GRM7: variants seen among roughly 807,000 people sequenced by gnomAD.
The protein encoded by GRM7 is metabotropic glutamate receptor 7.
Under a neutral mutation model 84.5 loss-of-function variants are expected in GRM7, and 35 were observed. The observed-to-expected ratio is 0.41, with a 90% CI of 0.32 to 0.55. The LOEUF (loss-of-function observed/expected upper bound fraction) is 0.55, where lower values mean the gene tolerates loss of function less well. Ranked by LOEUF, GRM7 falls within the 20% of genes least tolerant of loss-of-function variation. The pLI is 0.19. For missense variants in GRM7, 1,003 were observed against 1,194.6 expected, an observed-to-expected ratio of 0.84 and a Z score of 2.36; for synonymous variants, 487 against 455.1, an observed-to-expected ratio of 1.07 and a Z score of -0.89.
At chr3:6,886,802 C>A (rs1695713165) in intron 1 of GRM7, among the ~76,000 whole-genome samples, 1 of 147,226 alleles carries the variant, frequency 6.8e-6, no homozygotes, top group South Asian at 2.1e-4. Context: ...TAATAATAAA[C>A]AGTTTAATAA....
intron 1 of GRM7, among the ~76,000 whole-genome samples, chr3:7,098,635 T>A (rs1039240926): frequency 6.6e-6 from 1 of 152,016 alleles, no homozygotes; most frequent in Non-Finnish European, 1.5e-5. Context: ...TAATATTTTA[T>A]TTTACTCTTC....
chr3:7,154,257 C>T (rs1253473726), intron 2 of GRM7, among the ~76,000 whole-genome samples: 6 of 152,256 alleles, frequency 3.9e-5, no homozygotes, highest in Admixed American at 6.5e-5. Context: ...GTTGGAAAGT[C>T]ATCACATATT....
chr3:7,528,541 A>AT (rs886898212), intron 7 of GRM7, among the ~76,000 whole-genome samples: 15 of 151,104 alleles, frequency 9.9e-5, no homozygotes, highest in African/African-American at 3.2e-4. Context: ...GCTTTTAGTT[A>AT]TTTTTTTTCT....
rs186299551 is a variant in GRM7 at position 7,528,355 on chromosome 3, G to T, written c.1516-50067G>T. ...TCTGAGAATCTTTTGTATTTCTGTG[G>T]AATTGGTTGTAATGTCACTTTCACT... On this transcript the variant is annotated intron_variant, in intron 7 of 9. Coordinates refer to ENST00000357716, the MANE Select transcript of GRM7 (RefSeq NM_000844.4). Among the ~76,000 whole-genome samples the T allele has an allele frequency of 5.1e-4, 78 of 152,080 alleles. 1 individual carries two copies. Among genetic ancestry groups the T allele is most frequent in the Admixed American group, 4.3e-3 (65 of 15,254 alleles).
intron 7 of GRM7, among the ~76,000 whole-genome samples, chr3:7,480,268 C>T (rs1041840004): frequency 6.6e-6 from 1 of 152,160 alleles, no homozygotes; most frequent in Non-Finnish European, 1.5e-5. Context: ...TTCTCTCCTG[C>T]AATGTATTTT....
intron 7 of GRM7, among the ~76,000 whole-genome samples, chr3:7,533,102 AC>A (rs1701108121): frequency 6.6e-6 from 1 of 152,128 alleles, no homozygotes; most frequent in African/African-American, 2.4e-5. Context: ...CAGAAAATTA[AC>A]AAGGATATTC....
At chr3:7,599,044 G>T (rs2125068861) in intron 8 of GRM7, among the ~76,000 whole-genome samples, 1 of 152,248 alleles carries the variant, frequency 6.6e-6, no homozygotes, top group Middle Eastern at 3.4e-3. Flanking sequence ...AGAGACTGTA[G>T]AAATGATGTA....
At chr3:7,617,896 T>A (rs1320380966) in intron 8 of GRM7, among the ~76,000 whole-genome samples, 8 of 152,062 alleles carry the variant, frequency 5.3e-5, no homozygotes, top group Non-Finnish European at 1.2e-4. Context: ...CAGGACAATG[T>A]GGAGGAAGGG....
chr3:7,406,417 G>A (rs939975767), intron 4 of GRM7, among the ~76,000 whole-genome samples: 1 of 151,800 alleles, frequency 6.6e-6, no homozygotes, highest in Non-Finnish European at 1.5e-5. Context: ...GGAGAATGGC[G>A]TGAACCCGGG....
At chr3:7,600,409 A>C (rs1322822211) in intron 8 of GRM7, among the ~76,000 whole-genome samples, 2 of 152,074 alleles carry the variant, frequency 1.3e-5, no homozygotes, top group Non-Finnish European at 2.9e-5. Flanking sequence ...GAATTTGATA[A>C]TTCTATTTGG....
At chr3:6,985,925 A>T (rs1694392780) in intron 1 of GRM7, among the ~76,000 whole-genome samples, 1 of 152,222 alleles carries the variant, frequency 6.6e-6, no homozygotes, top group Non-Finnish European at 1.5e-5. Context: ...GTCTTTAAAA[A>T]TTCCCACTAA....
intron 7 of GRM7, among the ~76,000 whole-genome samples, chr3:7,488,582 C>A (rs1212236903): frequency 6.6e-6 from 1 of 152,216 alleles, no homozygotes; most frequent in African/African-American, 2.4e-5. Context: ...CCTGCTTCAT[C>A]TTCCGCTTCT....
intron 8 of GRM7, among the ~76,000 whole-genome samples, chr3:7,602,288 A>G (rs1480922547): frequency 6.6e-6 from 1 of 152,056 alleles, no homozygotes. Flanking sequence ...TCCCTCCCCT[A>G]GTCAGGTGAC....
chr3:7,718,264 T>G (rs1235079691), intron 9 of GRM7, among the ~76,000 whole-genome samples: 1 of 152,210 alleles, frequency 6.6e-6, no homozygotes, highest in African/African-American at 2.4e-5. Context: ...CAAACGCTCT[T>G]TCATCAACCA....
chr3:6,951,660 G>T (rs2125069823), intron 1 of GRM7, among the ~76,000 whole-genome samples: 1 of 152,234 alleles, frequency 6.6e-6, no homozygotes, highest in East Asian at 1.9e-4. Context: ...ACTGAGGCTT[G>T]TTTTATGGTC....
At chr3:7,220,277 A>G (rs9851849) in intron 2 of GRM7, among the ~76,000 whole-genome samples, 93,002 of 152,080 alleles carry the variant, frequency 0.61, 28,931 homozygotes, top group Non-Finnish European at 0.66. Flanking sequence ...GACAAACACT[A>G]TCTCAGTGAG....
At chr3:7,528,944 A>G (rs1234016551) in intron 7 of GRM7, among the ~76,000 whole-genome samples, 12 of 152,030 alleles carry the variant, frequency 7.9e-5, no homozygotes, top group Admixed American at 7.2e-4. Flanking sequence ...CACATGGTCA[A>G]TCTTAGAGTA....
At chr3:7,183,911 A>C (rs373743404) in intron 2 of GRM7, among the ~76,000 whole-genome samples, 1 of 152,224 alleles carries the variant, frequency 6.6e-6, no homozygotes, top group Non-Finnish European at 1.5e-5. Flanking sequence ...AATTTGGAAC[A>C]TGAGGGTGCA....
intron 1 of GRM7, among the ~76,000 whole-genome samples, chr3:7,091,336 T>C (rs1203466908): frequency 6.6e-6 from 1 of 152,158 alleles, no homozygotes; most frequent in Non-Finnish European, 1.5e-5. Context: ...TGACTTAAAG[T>C]GATGCCACAG....
Sources: allele counts gnomAD v4.1 joint callset (sites outside exome capture counted in the v4.1 genomes callset), GRCh38; gene constraint gnomAD v4.1.1; transcripts MANE v1.5; gene names NCBI Gene and HGNC (gene_info 2026-07-23, HGNC 2026-07-21).